Variants in BEST3 observed in about 807,000 individuals in gnomAD.
BEST3 encodes bestrophin-3.
Under a neutral mutation model 47.1 loss-of-function variants are expected in BEST3, and 50 were observed. That is an observed-to-expected ratio of 1.06 (90% CI 0.85 to 1.34). The LOEUF (loss-of-function observed/expected upper bound fraction) is 1.34. BEST3 is among the 40% of genes most tolerant of loss of function. BEST3 has a pLI of 0.00. For missense variants in BEST3, 765 were observed against 817.0 expected (o/e 0.94, Z 0.78); for synonymous variants, 282 against 298.8 (o/e 0.94, Z 0.58).
rs763385722 is a variant in BEST3, at chr12:69,680,310, C to CTTCT, written c.482-1418_482-1417insAGAA. 6.2e-4 allele frequency among the ~76,000 whole-genome samples: 59 copies of CTTCT among 95,002 alleles called. 8 individuals carry two copies. The highest frequency in any genetic ancestry group is 9.2e-4 in the Non-Finnish European group (46 of 49,990). The allele number at this position is 95,002 out of a possible 152,430, so 62.3% of individuals were successfully genotyped here. ...TTAAAACTTACAGTTTACACTTGATCTTTTTTTTTTTTTTTTTAGATGGAG... is the reference window on the plus strand; with the variant it reads ...TTAAAACTTACAGTTTACACTTGATCTTCTTTTTTTTTTTTTTTTTTAGATGGAG... On this transcript the variant is annotated intron_variant, in intron 4 of 9. Transcript: ENST00000330891.
chr12:69,667,659 C>T (rs1884310783), intron 9 of BEST3, among the ~76,000 whole-genome samples: 1 of 152,188 alleles, frequency 6.6e-6, no homozygotes, highest in African/African-American at 2.4e-5. Flanking sequence ...TTTGAGTCAC[C>T]AGGCTGGGTG....
At chr12:69,646,062 G>A (rs11612289) in intron 9 of BEST3, among the ~76,000 whole-genome samples, 4,729 of 152,184 alleles carry the variant, frequency 0.031, 107 homozygotes, top group Middle Eastern at 0.061. Flanking sequence ...TCAGCCTCTC[G>A]AGTAGCTGGG....
In BEST3 at chr12:69,654,028, T is replaced by A. The variant is rs1883307070; in HGVS notation, c.*879A>T. On this transcript the variant is annotated 3_prime_UTR_variant, in exon 10 of 10. Coordinates refer to ENST00000330891, the MANE Select transcript of BEST3 (RefSeq NM_032735.3). ...GGAAGCAGAAAGAAATGTCAATGGC[T>A]GCAAGGGCACGGGGGGAACCATCAC... is the stretch of plus-strand genomic sequence containing the variant. The A allele has an allele frequency of 1.0e-6, 1 of 985,328 alleles. No individual in the cohort carries two copies. 61.0% of individuals were successfully genotyped at this position (985,328 alleles called of 1,614,324 possible).
Position 69,654,959 on chromosome 12 carries a change from T to C in BEST3, c.1955A>G (p.Lys652Arg). The change falls in exon 10 of 10, where the codon AAG becomes AGG. Residue 652 changes from lysine (K) to arginine (R), a missense_variant. Physicochemically the swap from Lys to Arg is conservative, Grantham distance 26. Transcript: ENST00000330891. ...MLYLMENLDT[K>R]ETDIIELNKE... ...GTTCAGCTCTATGATATCTGTTTCC[T>C]TGGTGTCCAGGTTTTCCATTAAATA... The C allele has an allele frequency of 6.2e-7, 1 of 1,614,094 alleles. No individual in the cohort carries two copies. The highest frequency in any genetic ancestry group is 8.5e-7 in the Non-Finnish European group (1 of 1,179,984).
In BEST3 at chr12:69,655,757, C is replaced by A; in HGVS notation, c.1157G>T (p.Gly386Val). The A allele has an allele frequency of 6.2e-7, 1 of 1,613,728 alleles. No homozygotes were observed. Among genetic ancestry groups the A allele is most frequent in the Non-Finnish European group, 8.5e-7 (1 of 1,179,856 alleles). The change falls in exon 10 of 10, where the codon GGC becomes GTC. Residue 386 changes from glycine to valine, a missense_variant. Coordinates refer to ENST00000330891, the MANE Select transcript of BEST3 (RefSeq NM_032735.3). ...TCTTCTTATCATGGAATGCCGATGG[C>A]CATGCTTCTCATAATCCCACAGCCA... is the stretch of plus-strand genomic sequence containing the variant. ...EEWLWDYEKH[G>V]HRHSMIRRVK... is the part of the protein sequence containing the mutation.
Position 69,670,405 on chromosome 12 carries a change from A to G in BEST3, c.1100+1023T>C. ...AACAAGGCAAATCTCCTGGCTCCTA[A>G]ATCGTTCTCATTATTTGCTGGAACT... is the stretch of plus-strand genomic sequence containing the variant. On this transcript the variant is annotated intron_variant, in intron 9 of 9. Coordinates refer to ENST00000330891, the MANE Select transcript of BEST3 (RefSeq NM_032735.3). The G allele has an allele frequency of 4.3e-6, 3 of 701,376 alleles. No individual in the cohort carries two copies. In the South Asian group the frequency reaches 4.5e-5, roughly 10 times the overall value. The allele number at this position is 701,376 out of a possible 1,614,324, so 43.4% of individuals were successfully genotyped here. A position where few individuals can be genotyped will look rare whatever the true frequency, so the allele number is the denominator to read the frequency against.
intron 4 of BEST3, among the ~76,000 whole-genome samples, chr12:69,680,323 T>TTTTTTTTTTTTTTTTTTTTTTA (rs1274516761): frequency 7.1e-6 from 1 of 140,694 alleles, no homozygotes; most frequent in Non-Finnish European, 1.5e-5. Context: ...TTTTTTTTTT[T>TTTTTTTTTTTTTTTTTTTTTTA]TTTTAGATGG....
downstream of BEST3, among the ~76,000 whole-genome samples, chr12:69,649,047 T>C (rs546130211): frequency 6.4e-4 from 97 of 152,316 alleles, no homozygotes; most frequent in African/African-American, 2.3e-3. Context: ...CAGGCTGGAG[T>C]GCAGTAGCAT....
intron 9 of BEST3, 103 bp downstream of exon 9, chr12:69,671,325 C>T: frequency 8.4e-7 from 1 of 1,195,370 alleles, no homozygotes; most frequent in Non-Finnish European, 1.1e-6. Context: ...TCACAGTTGG[C>T]TACTTTAAAT....
chr12:69,654,298 G>T lies in BEST3; in HGVS notation c.*609C>A. ...GATGACAGAATAAAAGGAAAAGAGA[G>T]AAAAGTAAAAAAGGAAATTGAAGAG... On this transcript the variant is annotated 3_prime_UTR_variant, in exon 10 of 10. Transcript: ENST00000330891. The T allele has an allele frequency of 2.0e-6, 2 of 984,952 alleles. No individual in the cohort carries two copies. Among genetic ancestry groups the T allele is most frequent in the Non-Finnish European group, 1.2e-6 (1 of 829,540 alleles). 61.0% of individuals were successfully genotyped at this position (984,952 alleles called of 1,614,324 possible).
At chr12:69,670,802 G>A (rs1884522643) in intron 9 of BEST3, among the ~76,000 whole-genome samples, 1 of 152,250 alleles carries the variant, frequency 6.6e-6, no homozygotes. Context: ...TTTGAGTGGA[G>A]AGTTTCTTAC....
At chr12:69,685,219 G>A (rs1385447105) in intron 4 of BEST3, among the ~76,000 whole-genome samples, 2 of 152,126 alleles carry the variant, frequency 1.3e-5, no homozygotes, top group Non-Finnish European at 2.9e-5. Context: ...ATTGATATGA[G>A]CAAATCTCTA....
chr12:69,668,830 C>A (rs1430307624), intron 9 of BEST3, among the ~76,000 whole-genome samples: 1 of 152,168 alleles, frequency 6.6e-6, no homozygotes, highest in Non-Finnish European at 1.5e-5. Context: ...CATAGCAAAT[C>A]CATCACTTCA....
intron 4 of BEST3, among the ~76,000 whole-genome samples, chr12:69,685,011 A>T (rs1592365964): frequency 6.6e-6 from 1 of 151,170 alleles, no homozygotes; most frequent in East Asian, 1.9e-4. Context: ...ATTCTATTCT[A>T]TTCTATTCTA....
intron 4 of BEST3, among the ~76,000 whole-genome samples, chr12:69,684,988 T>TCTATTC (rs2079553177): frequency 7.1e-6 from 1 of 141,242 alleles, no homozygotes; most frequent in South Asian, 2.2e-4. Flanking sequence ...GCTGTTCTAT[T>TCTATTC]CTATTCTATT....
At chr12:69,645,899 G>A (rs1883016985) in intron 9 of BEST3, among the ~76,000 whole-genome samples, 1 of 152,114 alleles carries the variant, frequency 6.6e-6, no homozygotes, top group African/African-American at 2.4e-5. Flanking sequence ...TCCAGGTATA[G>A]AATCTCCAGA....
chr12:69,672,692 T>G (rs1167937465), intron 8 of BEST3, among the ~76,000 whole-genome samples, 193 bp downstream of exon 8: 1 of 152,160 alleles, frequency 6.6e-6, no homozygotes, highest in African/African-American at 2.4e-5. Flanking sequence ...AGGAACTAAA[T>G]TTCACTGGAG....
At chr12:69,686,779 C>CGAA (rs1555208517) in intron 4 of BEST3, among the ~76,000 whole-genome samples, 1 of 99,382 alleles carries the variant, frequency 1.0e-5, no homozygotes. Flanking sequence ...CTCAAAAAAA[C>CGAA]AAAAAAAAAA....
At chr12:69,648,500 G>A (rs919330107) in intron 9 of BEST3, among the ~76,000 whole-genome samples, 1 of 152,158 alleles carries the variant, frequency 6.6e-6, no homozygotes, top group Admixed American at 6.5e-5. Context: ...GATGGGGAAC[G>A]GGATTGTGGA....
Sources: allele counts gnomAD v4.1 joint callset (sites outside exome capture counted in the v4.1 genomes callset), GRCh38; gene constraint gnomAD v4.1.1; transcripts MANE v1.5; gene names NCBI Gene and HGNC (gene_info 2026-07-23, HGNC 2026-07-21).